Variants in ITSN1 observed in about 807,000 individuals in gnomAD.
The protein encoded by ITSN1 is intersectin 1, also known as intersectin-1.
A neutral mutation model predicts 239.8 loss-of-function variants in ITSN1; 58 were observed. The observed-to-expected ratio is 0.24, with a 90% CI of 0.20 to 0.30. The LOEUF (loss-of-function observed/expected upper bound fraction) is 0.30, where lower values mean the gene tolerates loss of function less well. Among genes scored for constraint, ITSN1 ranks in the 10% least tolerant of loss-of-function variants. The pLI is 1.00. For synonymous variants in ITSN1, 780 were observed against 770.8 expected (o/e 1.01, Z -0.20); for missense variants, 1,558 against 2,103.3 (o/e 0.74, Z 5.07).
rs1403399547 is a variant in ITSN1, at chr21:33,882,867, A to T, written c.4554+412A>T. ...TTCTCCAGGTAGCTTGAAACATCCG[A>T]GCCCCCTCCTTTCTAGCAAAGTCTC... is the stretch of plus-strand genomic sequence containing the variant. On this transcript the variant is annotated intron_variant, in intron 35 of 39. Coordinates refer to ENST00000381318, the MANE Select transcript of ITSN1 (RefSeq NM_003024.3). The surrounding 1 kb of genome is among the most constrained non-coding windows in gnomAD (Gnocchi z 4.5). Among the ~76,000 whole-genome samples the T allele has an allele frequency of 6.6e-6, 1 of 152,158 alleles. No homozygotes were observed. Among genetic ancestry groups the T allele is most frequent in the South Asian group, 2.1e-4 (1 of 4,832 alleles).
chr21:33,822,401 A>G (rs1042453839), intron 24 of ITSN1, among the ~76,000 whole-genome samples: 4 of 152,200 alleles, frequency 2.6e-5, no homozygotes, highest in Non-Finnish European at 2.9e-5. Flanking sequence ...ATAAAAATGA[A>G]CTTTTTGGGT....
chr21:33,818,303 T>C lies in ITSN1; in HGVS notation c.2764T>C (p.Tyr922His). 6.2e-7 allele frequency: 1 copy of C among 1,614,214 alleles called. No individual in the cohort carries two copies. Among genetic ancestry groups the C allele is most frequent in the Non-Finnish European group, 8.5e-7 (1 of 1,180,020 alleles). The change falls in exon 23 of 40, where the codon TAT becomes CAT. Residue 922 changes from tyrosine (Y) to histidine (H), a missense_variant. Tyr to His is a moderately conservative substitution (Grantham distance 83). Coordinates refer to ENST00000381318, the MANE Select transcript of ITSN1 (RefSeq NM_003024.3). ...KVEGLQAQAL[Y>H]PWRAKKDNHL... ...GGAGGGGCTACAAGCTCAAGCCCTA[T>C]ATCCTTGGAGAGCCAAAAAAGACAA...
rs113127447 is a variant in ITSN1 at position 33,821,412 on chromosome 21, T to C, written c.3017-2075T>C. Among the ~76,000 whole-genome samples, 1,086 of 152,366 alleles carry C rather than the reference T, an allele frequency of 7.1e-3. 13 individuals carry two copies. The highest frequency in any genetic ancestry group is 0.025 in the African/African-American group (1,038 of 41,576). On this transcript the variant is annotated intron_variant, in intron 24 of 39. Transcript: ENST00000381318. Reference sequence around the variant, plus strand: ...TTTACATATATTAATGAGCCTTTTGTAAATACCACATTGAACATAATCAAA... The same window carrying C: ...TTTACATATATTAATGAGCCTTTTGCAAATACCACATTGAACATAATCAAA...
chr21:33,756,260 C>A (rs1299232475), intron 8 of ITSN1, among the ~76,000 whole-genome samples: 1 of 147,322 alleles, frequency 6.8e-6, no homozygotes, highest in African/African-American at 2.5e-5. Flanking sequence ...TGCACTCCAT[C>A]CTGGGCTGCA....
At chr21:33,838,125 C>T in intron 29 of ITSN1, 2 of 985,600 alleles carry the variant, frequency 2.0e-6, no homozygotes, top group African/African-American at 1.7e-5. Flanking sequence ...TATGCTGTAG[C>T]TGAAGCCCTG....
intron 29 of ITSN1, among the ~76,000 whole-genome samples, chr21:33,844,988 G>T (rs892380566): frequency 3.3e-5 from 5 of 152,114 alleles, no homozygotes; most frequent in African/African-American, 9.6e-5. Flanking sequence ...AGCCCAGGAG[G>T]GACCCAGTCT....
intron 1 of ITSN1, among the ~76,000 whole-genome samples, chr21:33,676,658 T>G (rs910794123): frequency 2.0e-5 from 3 of 152,208 alleles, no homozygotes; most frequent in Admixed American, 1.3e-4. Flanking sequence ...TTGAATTATT[T>G]TGGTTGCACT....
intron 1 of ITSN1, among the ~76,000 whole-genome samples, chr21:33,700,949 T>TTC (rs1425332690): frequency 1.0e-5 from 1 of 95,974 alleles, no homozygotes; most frequent in African/African-American, 4.2e-5. Flanking sequence ...GATTTCTTTT[T>TTC]TCTGTGTGTG....
chr21:33,864,932 G>T (rs967909093), intron 31 of ITSN1, among the ~76,000 whole-genome samples: 11 of 152,104 alleles, frequency 7.2e-5, no homozygotes, highest in African/African-American at 2.2e-4. Flanking sequence ...AAAACAAATT[G>T]TAACAAACAG....
rs1359667414 is a variant in ITSN1, at chr21:33,826,827, A to T, written c.3193A>T (p.Thr1065Ser). ...TTTGCTCTGTTTTAAGGGCTCTGGAACTGCTGGGAAAACAGGGAGTTTAGG... is the reference window on the plus strand; with the variant it reads ...TTTGCTCTGTTTTAAGGGCTCTGGATCTGCTGGGAAAACAGGGAGTTTAGG... ...VRLKDSEGSG[T>S]AGKTGSLGKK... The change falls in exon 26 of 40, where the codon ACT becomes TCT. Residue 1065 changes from threonine to serine, a missense_variant. Transcript: ENST00000381318. The T allele has an allele frequency of 6.2e-7, 1 of 1,613,812 alleles. No homozygotes were observed. Among genetic ancestry groups the T allele is most frequent in the African/African-American group, 1.3e-5 (1 of 74,898 alleles).
chr21:33,894,807 G>A lies in ITSN1; in HGVS notation c.*6507G>A, dbSNP rs1185823575. The A allele has an allele frequency of 6.6e-6, 1 of 152,248 alleles. No individual in the cohort carries two copies. The highest frequency in any genetic ancestry group is 1.5e-5 in the Non-Finnish European group (1 of 68,054). The allele number at this position is 152,248 out of a possible 1,614,324, so 9.4% of individuals were successfully genotyped here. ...GGGCCTCAGGCAGACAGGAACCAAA[G>A]AAAGGGTGTAGTGGCTTTGCAGCGT... On this transcript the variant is annotated 3_prime_UTR_variant, in exon 40 of 40. Transcript: ENST00000381318.
chr21:33,670,776 A>G (rs1057368917), intron 1 of ITSN1, among the ~76,000 whole-genome samples: 1 of 152,212 alleles, frequency 6.6e-6, no homozygotes, highest in Admixed American at 6.5e-5. Flanking sequence ...TCTCAGCTAC[A>G]CTAGGATCAC....
chr21:33,778,448 G>T (rs1375087165), intron 14 of ITSN1, among the ~76,000 whole-genome samples: 2 of 151,784 alleles, frequency 1.3e-5, no homozygotes, highest in Non-Finnish European at 2.9e-5. Flanking sequence ...AATTCATTAT[G>T]CAGATATAGG....
At chr21:33,836,389 T>C (rs1440544425) in intron 28 of ITSN1, 52 bp from the exon 29 acceptor site, 1 of 1,390,646 alleles carries the variant, frequency 7.2e-7, no homozygotes, top group Non-Finnish European at 9.9e-7. Flanking sequence ...CGGTACCCGT[T>C]GTGCATTCTC....
Position 33,797,726 on chromosome 21 carries a change from G to T in ITSN1, c.2182+118G>T, listed in dbSNP as rs1399764954. On this transcript the variant is annotated intron_variant, in intron 18 of 39. Transcript: ENST00000381318. The surrounding 1 kb of genome is among the most constrained non-coding windows in gnomAD (Gnocchi z 4.9). The stretch of plus-strand genomic sequence containing the variant: ...GCTACATTAACAGATGAGAACGTCA[G>T]TCTCTTATTTTGAGCATGGCCAGCT... The T allele has an allele frequency of 2.7e-6, 2 of 738,052 alleles. No homozygotes were observed. The highest frequency in any genetic ancestry group is 4.5e-6 in the Non-Finnish European group (2 of 444,322). The allele number at this position is 738,052 out of a possible 1,614,324, so 45.7% of individuals were successfully genotyped here.
chr21:33,756,855 C>G (rs376465142), intron 8 of ITSN1: 1 of 152,266 alleles, frequency 6.6e-6, no homozygotes, highest in Non-Finnish European at 1.5e-5. Flanking sequence ...CAATCTCCAC[C>G]TCCTGGGTTC....
chr21:33,838,487 A>C (rs992006127), intron 29 of ITSN1: 3 of 979,326 alleles, frequency 3.1e-6, no homozygotes, highest in Admixed American at 1.2e-4. Flanking sequence ...TAAATTCTTC[A>C]TACAAAAGTT....
intron 31 of ITSN1, among the ~76,000 whole-genome samples, 188 bp from the exon 32 acceptor site, chr21:33,864,963 G>C (rs1981305372): frequency 2.0e-5 from 3 of 152,154 alleles, no homozygotes; most frequent in Admixed American, 1.3e-4. Context: ...AAAGAAAAAT[G>C]CTCTGGTGCT....
intron 1 of ITSN1, among the ~76,000 whole-genome samples, chr21:33,692,833 C>T (rs563257028): frequency 5.3e-4 from 80 of 151,630 alleles, no homozygotes; most frequent in Admixed American, 2.9e-3. Context: ...TGCAGTGGCA[C>T]GATCTTGGCT....
Sources: allele counts gnomAD v4.1 joint callset (sites outside exome capture counted in the v4.1 genomes callset), GRCh38; gene constraint gnomAD v4.1.1; non-coding constraint Gnocchi (gnomAD v3.1); transcripts MANE v1.5; gene names NCBI Gene and HGNC (gene_info 2026-07-23, HGNC 2026-07-21).